Variants in MED17 observed in about 807,000 individuals in gnomAD.
The protein encoded by MED17 is mediator of RNA polymerase II transcription subunit 17.
A neutral mutation model predicts 80.8 loss-of-function variants in MED17; 49 were observed. The ratio of observed to expected loss-of-function variants is 0.61; its 90% CI spans 0.48 to 0.77. The LOEUF (loss-of-function observed/expected upper bound fraction) is 0.77, where lower values mean the gene tolerates loss of function less well. MED17 is among the 30% of genes least tolerant of loss of function. MED17 has a pLI of 0.00. For missense variants in MED17, 718 were observed against 787.0 expected, an observed-to-expected ratio of 0.91 and a Z score of 1.05; for synonymous variants, 281 against 280.4, an observed-to-expected ratio of 1.00 and a Z score of -0.02.
At position 93,797,711 on chromosome 11, in the gene MED17, A is replaced by G. The variant is rs778974560; in HGVS notation, c.1320A>G (p.Leu440=). 3.1e-6 allele frequency: 5 copies of G among 1,612,178 alleles called. No homozygotes were observed. The African/African-American group carries it at 5.3e-5, about 17-fold the overall frequency. Residue 440 remains leucine, a synonymous_variant, in exon 8 of 12, where the codon CTA becomes CTG. Transcript: ENST00000251871. ...TTAAACAAGCAAAGCATATTTTTCT[A>G]AGGAGTAGGTAAGGTTGAAGAAAGT... ...KIIKQAKHIF[L]RSRAAATIDS...
chr11:93,799,130 G>A (rs1167807648), intron 8 of MED17, among the ~76,000 whole-genome samples: 2 of 151,914 alleles, frequency 1.3e-5, no homozygotes, highest in African/African-American at 4.8e-5. Context: ...GAGCCCAGGA[G>A]TTTGAGACCA....
intron 1 of MED17, 49 bp downstream of exon 1, chr11:93,784,812 C>T (rs996093019): frequency 6.5e-7 from 1 of 1,530,802 alleles, no homozygotes; most frequent in African/African-American, 1.4e-5. Context: ...GTCCCAGCAC[C>T]CGCGCGGGCC....
intron 11 of MED17, chr11:93,811,189 C>G (rs1426219239): frequency 6.6e-6 from 1 of 152,202 alleles, no homozygotes; most frequent in Non-Finnish European, 1.5e-5. Context: ...CTAGGAATTT[C>G]AAAATACCCT....
At chr11:93,792,453 C>G (rs1943847193) in intron 3 of MED17, among the ~76,000 whole-genome samples, 1 of 152,140 alleles carries the variant, frequency 6.6e-6, no homozygotes, top group African/African-American at 2.4e-5. Context: ...TGTGCAAGAA[C>G]TTTAATTCTT....
At chr11:93,788,228 T>C in intron 2 of MED17, 61 bp downstream of exon 2, 2 of 1,464,058 alleles carry the variant, frequency 1.4e-6, no homozygotes, top group Non-Finnish European at 1.9e-6. Flanking sequence ...GACCCTTTTT[T>C]GGCTTTGTGC....
Position 93,812,415 on chromosome 11 carries a change from A to T in MED17, c.*351A>T. The stretch of plus-strand genomic sequence containing the variant: ...ATGTGGTTTAAAAAAATCTCCAAAT[A>T]CCTTTTTTTCCCCCCAAATACTTTC... On this transcript the variant is annotated 3_prime_UTR_variant, in exon 12 of 12. Coordinates refer to ENST00000251871, the MANE Select transcript of MED17 (RefSeq NM_004268.5). 2.1e-6 allele frequency: 1 copy of T among 468,402 alleles called. No individual in the cohort carries two copies. The highest frequency in any genetic ancestry group is 3.7e-6 in the Non-Finnish European group (1 of 270,006). The allele number at this position is 468,402 out of a possible 1,614,324, so 29.0% of individuals were successfully genotyped here. A position where few individuals can be genotyped will look rare whatever the true frequency, so the allele number is the denominator to read the frequency against.
intron 3 of MED17, among the ~76,000 whole-genome samples, chr11:93,791,262 A>C (rs959071639): frequency 1.3e-5 from 2 of 152,342 alleles, no homozygotes; most frequent in African/African-American, 4.8e-5. Flanking sequence ...TAAATAGCCT[A>C]GTTTCTATTT....
At position 93,813,243 on chromosome 11, in the gene MED17, A is replaced by G. The variant is rs1482252363; in HGVS notation, c.*1179A>G. 1.3e-5 allele frequency: 2 copies of G among 152,218 alleles called. No homozygotes were observed. The highest frequency in any genetic ancestry group is 2.9e-5 in the Non-Finnish European group (2 of 68,044). 9.4% of individuals were successfully genotyped at this position (152,218 alleles called of 1,614,324 possible). A position where few individuals can be genotyped will look rare whatever the true frequency, so the allele number is the denominator to read the frequency against. On this transcript the variant is annotated 3_prime_UTR_variant, in exon 12 of 12. Coordinates refer to ENST00000251871, the MANE Select transcript of MED17 (RefSeq NM_004268.5). Reference sequence around the variant, plus strand: ...TTTTTAAAACAGACATCCTGCTTTAACAATTTGTAAGATGACTGTGCAGTA... The same window carrying G: ...TTTTTAAAACAGACATCCTGCTTTAGCAATTTGTAAGATGACTGTGCAGTA...
chr11:93,793,917 T>C, intron 4 of MED17, 34 bp from the exon 5 acceptor site: 1 of 1,612,338 alleles, frequency 6.2e-7, no homozygotes, highest in Non-Finnish European at 8.5e-7. Flanking sequence ...CTGAAGTTAA[T>C]TTGTTAACTT....
chr11:93,786,635 T>G (rs568465105), intron 1 of MED17, among the ~76,000 whole-genome samples: 2 of 152,216 alleles, frequency 1.3e-5, no homozygotes, highest in East Asian at 3.9e-4. Flanking sequence ...GCCTGGCTAA[T>G]TTTTGTATTT....
intron 6 of MED17, chr11:93,796,008 C>CCAATGGA (rs1943896311): frequency 4.6e-6 from 1 of 215,448 alleles, no homozygotes; most frequent in African/African-American, 2.4e-5. Context: ...AGTGCAATGG[C>CCAATGGA]GTGATCTTGG....
rs754395746 is a variant in MED17 at position 93,809,861 on chromosome 11, G to A, written c.1729G>A (p.Asp577Asn). Residue 577 changes from aspartate to asparagine, a missense_variant, in exon 11 of 12, where the codon GAC becomes AAC. Asp to Asn is a conservative substitution (Grantham distance 23). Transcript: ENST00000251871. ...CATCACGGTGGCCTCCCCAAGTGGT[G>A]ACTATGCTATTTCAGGTACTTTCTG... ...SAITVASPSG[D>N]YAISVRNGPE... 3 of 1,614,196 alleles carry A rather than the reference G, an allele frequency of 1.9e-6. No homozygotes were observed. The African/African-American group carries it at 4.0e-5, about 22-fold the overall frequency.
intron 1 of MED17, among the ~76,000 whole-genome samples, chr11:93,785,528 T>C (rs1287158624): frequency 6.6e-6 from 1 of 152,214 alleles, no homozygotes; most frequent in African/African-American, 2.4e-5. Context: ...AGGGCAGTGC[T>C]GTTAGGATTA....
chr11:93,800,075 A>G (rs972995860), intron 8 of MED17, among the ~76,000 whole-genome samples: 4 of 152,180 alleles, frequency 2.6e-5, no homozygotes, highest in South Asian at 4.1e-4. Flanking sequence ...TTCCATTGCT[A>G]GATAATTTTA....
At position 93,811,862 on chromosome 11, in the gene MED17, G is replaced by C; in HGVS notation, c.1754G>C (p.Gly585Ala). 1 of 1,614,038 alleles carries C rather than the reference G, an allele frequency of 6.2e-7. No homozygotes were observed. Residue 585 changes from glycine (G) to alanine (A), a missense_variant, in exon 12 of 12, where the codon GGA (glycine) becomes GCA (alanine). By Grantham distance (60) the Gly-to-Ala change is moderately conservative. Transcript: ENST00000251871. ...SGDYAISVRNGPESGSKIMVQ... is the reference protein window; with the variant it reads ...SGDYAISVRNAPESGSKIMVQ... ...TGGTTTTTCTCCACAGTTCGTAATG[G>C]ACCTGAAAGTGGCAGCAAGATTATG...
chr11:93,793,464 T>C, intron 3 of MED17: 2 of 370,908 alleles, frequency 5.4e-6, no homozygotes, highest in Non-Finnish European at 9.8e-6. Flanking sequence ...TAAAACAATT[T>C]GGATTTTCTG....
intron 8 of MED17, among the ~76,000 whole-genome samples, chr11:93,799,738 G>A (rs1159788133): frequency 6.6e-6 from 1 of 152,148 alleles, no homozygotes; most frequent in Admixed American, 6.6e-5. Context: ...ATCACACCCC[G>A]CTACACTCCA....
intron 8 of MED17, chr11:93,801,129 C>G (rs1279160580): frequency 6.6e-6 from 1 of 152,126 alleles, no homozygotes; most frequent in Non-Finnish European, 1.5e-5. Context: ...CAGTTTATAG[C>G]TATGTGACCT....
Position 93,813,181 on chromosome 11 carries a change from CAT to C in MED17, c.*1121_*1122del, listed in dbSNP as rs1427999364. Reference sequence around the variant, plus strand: ...CTTTTGGTAACACTGAAAGTAGTATCATATAGGCAAGCTCTCCTTATAAGTAA... The same window carrying C: ...CTTTTGGTAACACTGAAAGTAGTATCATAGGCAAGCTCTCCTTATAAGTAA... On this transcript the variant is annotated 3_prime_UTR_variant, in exon 12 of 12. Coordinates refer to ENST00000251871, the MANE Select transcript of MED17 (RefSeq NM_004268.5). The C allele has an allele frequency of 6.6e-6, 1 of 152,192 alleles. No homozygotes were observed. Among genetic ancestry groups the C allele is most frequent in the Admixed American group, 6.5e-5 (1 of 15,274 alleles). The allele number at this position is 152,192 out of a possible 1,614,324, so 9.4% of individuals were successfully genotyped here.
Sources: gnomAD v4.1 joint callset for allele counts (sites outside exome capture counted in the v4.1 genomes callset) on GRCh38, gnomAD v4.1.1 for gene constraint, MANE v1.5 for transcripts, NCBI Gene and HGNC (gene_info 2026-07-23, HGNC 2026-07-21) for gene names.